KLC1: variants seen among roughly 807,000 people sequenced by gnomAD.
KLC1 encodes the protein kinesin 2 60/70kDa.
A neutral mutation model predicts 84.2 loss-of-function variants in KLC1; 30 were observed. That is an observed-to-expected ratio of 0.36 (90% CI 0.27 to 0.48). KLC1 has a LOEUF of 0.48. Among genes scored for constraint, KLC1 ranks in the 20% least tolerant of loss-of-function variants. The pLI, the probability that KLC1 is intolerant of heterozygous loss-of-function variation, is 0.99. For missense variants in KLC1, 499 were observed against 805.4 expected (o/e 0.62, Z 4.60); for synonymous variants, 289 against 293.3 (o/e 0.99, Z 0.15).
intron 15 of KLC1, among the ~76,000 whole-genome samples, chr14:103,692,732 C>A (rs2151857858): frequency 6.6e-6 from 1 of 152,288 alleles, no homozygotes; most frequent in Middle Eastern, 3.4e-3. Context: ...AAAGCTCGAC[C>A]AATTACTAGT....
At chr14:103,678,973 T>G (rs1384460282) in intron 12 of KLC1, among the ~76,000 whole-genome samples, 1 of 152,246 alleles carries the variant, frequency 6.6e-6, no homozygotes, top group East Asian at 1.9e-4. Context: ...AGCGAACAAA[T>G]GGAAAATAGG....
chr14:103,693,887 G>A lies in KLC1; in HGVS notation c.1848+1462G>A, dbSNP rs2082265752. The stretch of plus-strand genomic sequence containing the variant: ...AGGGAGGCCGAGGTGGCGCTGAGGT[G>A]GCTTCAGCACGCTGGGGATTGGCTC... On this transcript the variant is annotated intron_variant, in intron 15 of 16. Transcript: ENST00000334553. The surrounding 1 kb of genome is among the most constrained non-coding windows in gnomAD (Gnocchi z 5.1). 2.2e-6 allele frequency: 3 copies of A among 1,336,064 alleles called. No homozygotes were observed. Among genetic ancestry groups the A allele is most frequent in the East Asian group, 6.0e-5 (2 of 33,508 alleles). 82.8% of individuals were successfully genotyped at this position (1,336,064 alleles called of 1,614,324 possible).
At chr14:103,677,610 T>A (rs2081007755) in intron 12 of KLC1, 87 bp downstream of exon 12, 1 of 801,406 alleles carries the variant, frequency 1.2e-6, no homozygotes, top group Non-Finnish European at 2.1e-6. Context: ...AAAGCTTGAT[T>A]TAGAAATAGA....
intron 13 of KLC1, among the ~76,000 whole-genome samples, chr14:103,680,376 T>G (rs1022025733): frequency 1.3e-5 from 2 of 152,020 alleles, no homozygotes; most frequent in African/African-American, 4.8e-5. Flanking sequence ...GCACAGTTGG[T>G]TTTTTGAAGT....
intron 7 of KLC1, among the ~76,000 whole-genome samples, chr14:103,671,247 G>T (rs2080363829): frequency 1.3e-5 from 2 of 152,132 alleles, no homozygotes; most frequent in Admixed American, 6.5e-5. Flanking sequence ...AGCTGCTACA[G>T]TTCATGGTAA....
intron 15 of KLC1, chr14:103,696,201 G>C (rs1275042433): frequency 1.5e-5 from 15 of 983,776 alleles, no homozygotes; most frequent in African/African-American, 1.8e-5. Context: ...TCTCTGGGTA[G>C]TTGGTGCAGC....
intron 1 of KLC1, among the ~76,000 whole-genome samples, chr14:103,634,190 T>C (rs1470564978): frequency 6.6e-6 from 1 of 152,182 alleles, no homozygotes; most frequent in East Asian, 1.9e-4. Context: ...ATTTTAATCA[T>C]TTTAAAATTT....
At chr14:103,700,527 A>C in intron 15 of KLC1, 128 bp from the exon 16 acceptor site, 1 of 674,138 alleles carries the variant, frequency 1.5e-6, no homozygotes, top group Non-Finnish European at 2.5e-6. Flanking sequence ...GAGGCTGCTA[A>C]GGGGCCCCTA....
At chr14:103,663,556 C>T (rs946702301) in intron 5 of KLC1, among the ~76,000 whole-genome samples, 1 of 152,198 alleles carries the variant, frequency 6.6e-6, no homozygotes, top group Non-Finnish European at 1.5e-5. Context: ...TCTAAATAGC[C>T]TTCCCACTTG....
Position 103,693,150 on chromosome 14 carries a change from G to A in KLC1, c.1848+725G>A, listed in dbSNP as rs1595580004. On this transcript the variant is annotated intron_variant, in intron 15 of 16. Coordinates refer to ENST00000334553, the MANE Select transcript of KLC1 (RefSeq NM_001394837.1). This position sits in a 1 kb window ranked among gnomAD's most constrained non-coding sequence, Gnocchi z 5.1. ...TGCTGAGAGTTCGCGACAGTGGCCA[G>A]GCACTGCCCTCCCAGTTGTCCAGAT... 6.6e-6 allele frequency among the ~76,000 whole-genome samples: 1 copy of A among 152,160 alleles called. No individual in the cohort carries two copies. The highest frequency in any genetic ancestry group is 1.5e-5 in the Non-Finnish European group (1 of 68,032).
intron 1 of KLC1, among the ~76,000 whole-genome samples, chr14:103,648,531 G>A (rs772860288): frequency 5.3e-5 from 8 of 151,838 alleles, no homozygotes; most frequent in Middle Eastern, 6.8e-3. Flanking sequence ...GCCTGTAATC[G>A]CAGCACTTTC....
intron 1 of KLC1, among the ~76,000 whole-genome samples, chr14:103,639,391 A>G (rs906558990): frequency 6.6e-6 from 1 of 152,166 alleles, no homozygotes; most frequent in Non-Finnish European, 1.5e-5. Context: ...TCAGCCTCCC[A>G]AAGTGTTGGG....
chr14:103,677,330 G>A, intron 11 of KLC1, 85 bp from the exon 12 acceptor site: 1 of 811,042 alleles, frequency 1.2e-6, no homozygotes, highest in Non-Finnish European at 2.1e-6. Context: ...ACAGAAGTCT[G>A]TTAGTTCTTT....
chr14:103,694,875 G>A lies in KLC1; in HGVS notation c.1848+2450G>A, dbSNP rs1030396462. On this transcript the variant is annotated intron_variant, in intron 15 of 16. Transcript: ENST00000334553. This position sits in a 1 kb window ranked among gnomAD's most constrained non-coding sequence, Gnocchi z 4.5. ...AAAATACCTTTCAAAGTTTCATCCC[G>A]CCTCATGTCGCAGGACTGCTGTGTT... 9 of 985,346 alleles carry A rather than the reference G, an allele frequency of 9.1e-6. No homozygotes were observed. Among genetic ancestry groups the A allele is most frequent in the Admixed American group, 6.1e-5 (1 of 16,274 alleles). 61.0% of individuals were successfully genotyped at this position (985,346 alleles called of 1,614,324 possible). A position where few individuals can be genotyped will look rare whatever the true frequency, so the allele number is the denominator to read the frequency against.
intron 2 of KLC1, among the ~76,000 whole-genome samples, chr14:103,656,138 C>A (rs1198723699): frequency 6.6e-6 from 1 of 152,160 alleles, no homozygotes; most frequent in Non-Finnish European, 1.5e-5. Context: ...GACGTGCCTC[C>A]TTCCTTGAAG....
intron 13 of KLC1, chr14:103,685,470 T>C: frequency 8.1e-7 from 1 of 1,239,720 alleles, no homozygotes; most frequent in Non-Finnish European, 1.0e-6. Flanking sequence ...ACCTGCTTTA[T>C]GCTGGACTGG....
chr14:103,698,612 C>T (rs2082778693), intron 15 of KLC1: 1 of 640,578 alleles, frequency 1.6e-6, no homozygotes, highest in Non-Finnish European at 2.8e-6. Context: ...AGAACATCCC[C>T]CCAGCTCAGA....
At chr14:103,677,616 A>G in intron 12 of KLC1, 93 bp downstream of exon 12, 2 of 785,350 alleles carry the variant, frequency 2.5e-6, no homozygotes, top group Non-Finnish European at 4.3e-6. Flanking sequence ...TGATTTAGAA[A>G]TAGAAAATGT....
intron 1 of KLC1, among the ~76,000 whole-genome samples, chr14:103,634,788 C>A (rs2076933145): frequency 6.6e-6 from 1 of 151,782 alleles, no homozygotes; most frequent in Admixed American, 6.6e-5. Flanking sequence ...ACTGTGTTTC[C>A]CAGGCTGGTC....
Sources: allele counts gnomAD v4.1 joint callset (sites outside exome capture counted in the v4.1 genomes callset), GRCh38; gene constraint gnomAD v4.1.1; non-coding constraint Gnocchi (gnomAD v3.1); transcripts MANE v1.5; gene names NCBI Gene and HGNC (gene_info 2026-07-23, HGNC 2026-07-21).